DGKK: variants seen among roughly 807,000 people sequenced by gnomAD.
DGKK encodes 142 kDa diacylglycerol kinase.
Under a neutral mutation model 92.2 loss-of-function variants are expected in DGKK, and 35 were observed. That is an observed-to-expected ratio of 0.38 (90% confidence interval 0.29 to 0.50). The LOEUF (loss-of-function observed/expected upper bound fraction) is 0.50. DGKK is among the 20% of genes least tolerant of loss of function. The pLI is 0.92. For synonymous variants in DGKK, 368 were observed against 360.6 expected (o/e 1.02, Z -0.23); for missense variants, 910 against 992.2 (o/e 0.92, Z 1.11).
intron 1 of DGKK, among the ~76,000 whole-genome samples, chrX:50,446,903 G>A (rs782012102): frequency 1.8e-5 from 2 of 110,442 alleles, no homozygotes; most frequent in Non-Finnish European, 3.8e-5. Flanking sequence ...GCATGTGTAC[G>A]TGCATGCATG....
At position 50,368,831 on chromosome X, in the gene DGKK, T is replaced by C; in HGVS notation, c.*109A>G. ...GTGAAAAGAATTGGAGGGTCTTTCT[T>C]GGTGGTGCTCATGTTTGTTCTGAAA... On this transcript the variant is annotated 3_prime_UTR_variant, in exon 28 of 28. Transcript: ENST00000611977. The C allele has an allele frequency of 1.6e-6, 1 of 607,619 alleles. No individual in the cohort carries two copies. Among genetic ancestry groups the C allele is most frequent in the Admixed American group, 3.7e-5 (1 of 27,367 alleles). The allele number at this position is 607,619 out of a possible 1,213,427, so 50.1% of individuals were successfully genotyped here. A position where few individuals can be genotyped will look rare whatever the true frequency, so the allele number is the denominator to read the frequency against.
At position 50,384,828 on chromosome X, in the gene DGKK, T is replaced by C; in HGVS notation, c.2348-4A>G. The C allele has an allele frequency of 1.7e-6, 2 of 1,179,834 alleles. No individual in the cohort carries two copies. Among genetic ancestry groups the C allele is most frequent in the Admixed American group, 4.5e-5 (2 of 44,494 alleles). On this transcript the variant is annotated splice_region_variant and splice_polypyrimidine_tract_variant and intron_variant, in intron 15 of 27. Transcript: ENST00000611977. ...TGTCTGCTTTCCTCATCCAGAGCTA[T>C]AGAGAAAAGTGGGAGGAAGGAAAGC...
chrX:50,379,813 G>GCT, intron 19 of DGKK, 79 bp from the exon 20 acceptor site: 1 of 944,564 alleles, frequency 1.1e-6, no homozygotes, highest in Non-Finnish European at 1.5e-6. Context: ...TGGGGAAAGG[G>GCT]CTCTGTCTTC....
intron 1 of DGKK, among the ~76,000 whole-genome samples, chrX:50,440,668 C>A (rs371241339): frequency 9.0e-6 from 1 of 111,247 alleles, no homozygotes; most frequent in African/African-American, 3.3e-5. Context: ...TAAAAAAATC[C>A]GTCTCTTTGC....
chrX:50,432,310 T>A (rs918953815), intron 1 of DGKK, among the ~76,000 whole-genome samples: 1 of 112,651 alleles, frequency 8.9e-6, no homozygotes, highest in East Asian at 2.8e-4. Flanking sequence ...AAGTTGATAA[T>A]GATGCTATAC....
intron 1 of DGKK, among the ~76,000 whole-genome samples, chrX:50,442,368 A>G (rs1047059489): frequency 4.5e-5 from 5 of 111,749 alleles, no homozygotes; most frequent in Non-Finnish European, 9.4e-5. Context: ...AAAATTCTAA[A>G]CAAACAAACC....
At chrX:50,429,557 C>T (rs1028849434) in intron 1 of DGKK, among the ~76,000 whole-genome samples, 4 of 111,116 alleles carry the variant, frequency 3.6e-5, no homozygotes, top group African/African-American at 1.3e-4. Flanking sequence ...GGCGTGGTGG[C>T]GGGCGCCTGT....
At chrX:50,432,129 G>T (rs1925905203) in intron 1 of DGKK, among the ~76,000 whole-genome samples, 1 of 111,418 alleles carries the variant, frequency 9.0e-6, no homozygotes. Flanking sequence ...AATCAGGAGG[G>T]TCTTGGGCAA....
At chrX:50,408,551 T>A (rs1407974110) in intron 4 of DGKK, among the ~76,000 whole-genome samples, 1 of 109,795 alleles carries the variant, frequency 9.1e-6, no homozygotes, top group African/African-American at 3.3e-5. Context: ...GCTAATTTTT[T>A]TTTTTGTATT....
chrX:50,402,285 T>C (rs1475531973), intron 7 of DGKK, among the ~76,000 whole-genome samples: 1 of 111,179 alleles, frequency 9.0e-6, no homozygotes, highest in Non-Finnish European at 1.9e-5. Flanking sequence ...GGCATGTGCC[T>C]GTAGTCCCGG....
In DGKK at chrX:50,404,071, A is replaced by G. The variant is rs1238300486; in HGVS notation, c.1056T>C (p.Ser352=). The part of the protein sequence containing the change: ...NVCRESIPAL[S]RDAIICEVCK... ...TACCTTCACAGATGATGGCATCTCTAGATAAGGCAGGAATGCTCTCTCGAC... is the reference window on the plus strand; with the variant it reads ...TACCTTCACAGATGATGGCATCTCTGGATAAGGCAGGAATGCTCTCTCGAC... Residue 352 remains serine (S), a synonymous_variant, in exon 5 of 28, where the codon TCT becomes TCC. Coordinates refer to ENST00000611977, the MANE Select transcript of DGKK (RefSeq NM_001013742.4). The G allele has an allele frequency of 8.3e-7, 1 of 1,209,238 alleles. No homozygotes were observed. The highest frequency in any genetic ancestry group is 1.1e-6 in the Non-Finnish European group (1 of 895,021).
intron 5 of DGKK, 51 bp from the exon 6 acceptor site, chrX:50,403,648 A>G (rs782402656): frequency 2.0e-6 from 2 of 1,005,133 alleles, no homozygotes; most frequent in East Asian, 6.1e-5. Context: ...GACAGTGAGG[A>G]TTCTAATTCT....
At chrX:50,393,769 C>T (rs1557225822) in intron 8 of DGKK, among the ~76,000 whole-genome samples, 1 of 111,785 alleles carries the variant, frequency 8.9e-6, no homozygotes, top group African/African-American at 3.3e-5. Context: ...CCTTTCTCTG[C>T]CCAGGATACC....
chrX:50,408,589 T>C (rs1490383439), intron 4 of DGKK, among the ~76,000 whole-genome samples: 2 of 110,094 alleles, frequency 1.8e-5, no homozygotes, highest in East Asian at 5.7e-4. Flanking sequence ...TTCACCGTGT[T>C]AGCCAGGATG....
chrX:50,392,728 G>C (rs1557225695), intron 9 of DGKK, among the ~76,000 whole-genome samples: 1 of 112,538 alleles, frequency 8.9e-6, no homozygotes, highest in East Asian at 2.8e-4. Flanking sequence ...TTGCATGGTG[G>C]CCAGTGGGCT....
intron 1 of DGKK, among the ~76,000 whole-genome samples, chrX:50,459,752 T>C (rs2211122): frequency 0.44 from 48,985 of 110,263 alleles, 9,510 homozygotes; most frequent in African/African-American, 0.76. Flanking sequence ...AAAGGGACAG[T>C]AATATCCGAA....
intron 3 of DGKK, among the ~76,000 whole-genome samples, chrX:50,421,746 A>G (rs1925594361): frequency 8.9e-6 from 1 of 111,820 alleles, no homozygotes; most frequent in South Asian, 3.8e-4. Context: ...CAACTATGGA[A>G]GCAGGATATT....
intron 17 of DGKK, among the ~76,000 whole-genome samples, chrX:50,383,803 G>A (rs1192649011): frequency 3.6e-5 from 4 of 111,887 alleles, no homozygotes; most frequent in African/African-American, 1.3e-4. Flanking sequence ...ACCATTTACT[G>A]TTAAGGGCAA....
At chrX:50,392,854 A>C (rs1312143403) in intron 9 of DGKK, among the ~76,000 whole-genome samples, 1 of 112,098 alleles carries the variant, frequency 8.9e-6, no homozygotes, top group Non-Finnish European at 1.9e-5. Context: ...AGCAGTATCC[A>C]TTTGTCTCTT....
Sources: gnomAD v4.1 joint callset for allele counts (sites outside exome capture counted in the v4.1 genomes callset) on GRCh38, gnomAD v4.1.1 for gene constraint, MANE v1.5 for transcripts, NCBI Gene and HGNC (gene_info 2026-07-23, HGNC 2026-07-21) for gene names.